The following CSPP1 variants were observed in gnomAD, a reference collection of about 807,000 sequenced individuals.
The protein encoded by CSPP1 is centrosome and spindle pole associated protein 1.
A neutral mutation model predicts 164.4 loss-of-function variants in CSPP1; 126 were observed. That is an observed-to-expected ratio of 0.77 (90% confidence interval 0.66 to 0.89). CSPP1 has a LOEUF of 0.89. Ranked by LOEUF, CSPP1 falls within the 40% of genes least tolerant of loss-of-function variation. The pLI, the probability that CSPP1 is intolerant of heterozygous loss-of-function variation, is 0.00. For missense variants in CSPP1, 1,395 were observed against 1,449.8 expected, an observed-to-expected ratio of 0.96 and a Z score of 0.61; for synonymous variants, 472 against 476.7, an observed-to-expected ratio of 0.99 and a Z score of 0.13.
Position 67,193,764 on chromosome 8 carries a change from C to T in CSPP1, c.3469+162C>T, listed in dbSNP as rs7820650. On this transcript the variant is annotated intron_variant, in intron 30 of 30. Transcript: ENST00000678616. ...GTAACTATTGAGCAAAACCAGACCTCAGGATGCAGTTTGCATCAGATTTTC... is the reference window on the plus strand; with the variant it reads ...GTAACTATTGAGCAAAACCAGACCTTAGGATGCAGTTTGCATCAGATTTTC... Among the ~76,000 whole-genome samples, 2,352 of 152,286 alleles carry T rather than the reference C, an allele frequency of 0.015. 54 individuals are homozygous for T. Among genetic ancestry groups the T allele is most frequent in the African/African-American group, 0.052 (2,169 of 41,550 alleles).
At chr8:67,100,469 C>T (rs1223122114) in intron 7 of CSPP1, among the ~76,000 whole-genome samples, 1 of 152,064 alleles carries the variant, frequency 6.6e-6, no homozygotes, top group Non-Finnish European at 1.5e-5. Flanking sequence ...ATTAAGGAAG[C>T]CACAAGCCCT....
At chr8:67,175,692 A>T (rs979420105) in intron 26 of CSPP1, 1 of 591,624 alleles carries the variant, frequency 1.7e-6, no homozygotes, top group African/African-American at 1.8e-5. Flanking sequence ...GAATACTTTG[A>T]CCAGGCCAGG....
chr8:67,076,415 G>C, intron 2 of CSPP1, 67 bp from the exon 3 acceptor site: 1 of 790,386 alleles, frequency 1.3e-6, no homozygotes, highest in Non-Finnish European at 2.0e-6. Flanking sequence ...ATTAAAATTT[G>C]AGATGAGTTG....
intron 19 of CSPP1, among the ~76,000 whole-genome samples, chr8:67,156,127 C>A (rs1448140904): frequency 1.3e-5 from 2 of 152,180 alleles, no homozygotes; most frequent in East Asian, 3.8e-4. Flanking sequence ...AACAATCTTA[C>A]AATTGTATAG....
At chr8:67,166,726 G>A (rs767675783) in intron 24 of CSPP1, among the ~76,000 whole-genome samples, 5 of 151,034 alleles carry the variant, frequency 3.3e-5, no homozygotes, top group East Asian at 1.9e-4. Flanking sequence ...TCAGTTTAAC[G>A]GTTTTTTTTT....
intron 1 of CSPP1, chr8:67,064,767 G>T: frequency 2.3e-6 from 1 of 438,640 alleles, no homozygotes; most frequent in Non-Finnish European, 4.1e-6. Context: ...CGAGTTAAGG[G>T]TGTGGAGAGT....
At chr8:67,123,514 C>T (rs1443106804) in intron 15 of CSPP1, among the ~76,000 whole-genome samples, 1 of 151,812 alleles carries the variant, frequency 6.6e-6, no homozygotes, top group East Asian at 1.9e-4. Context: ...GCAGTTACTT[C>T]CTGGTTTTTA....
intron 19 of CSPP1, among the ~76,000 whole-genome samples, chr8:67,156,118 AC>A (rs1235849973): frequency 5.9e-5 from 9 of 152,328 alleles, no homozygotes. Flanking sequence ...CAGCCAAAAA[AC>A]AATCTTACAA....
chr8:67,165,015 T>G (rs555972944), intron 24 of CSPP1, among the ~76,000 whole-genome samples: 24 of 152,174 alleles, frequency 1.6e-4, no homozygotes, highest in Non-Finnish European at 3.2e-4. Context: ...TGGGTGCAGT[T>G]GCTCACGCCT....
intron 19 of CSPP1, 25 bp downstream of exon 19, chr8:67,154,161 A>C (rs1222080392): frequency 5.4e-6 from 6 of 1,104,664 alleles, no homozygotes; most frequent in Middle Eastern, 4.0e-4. Context: ...GATCAGTTTC[A>C]AAGTTTCATG....
chr8:67,191,098 C>G (rs1476339722), intron 29 of CSPP1, among the ~76,000 whole-genome samples: 1 of 152,202 alleles, frequency 6.6e-6, no homozygotes, highest in East Asian at 1.9e-4. Flanking sequence ...TAACCTAATT[C>G]TGTGATATAG....
chr8:67,109,688 C>T (rs1041290728), intron 9 of CSPP1, among the ~76,000 whole-genome samples: 1 of 152,064 alleles, frequency 6.6e-6, no homozygotes, highest in African/African-American at 2.4e-5. Context: ...AGCAGTTTCT[C>T]ATTGTCCGAA....
intron 1 of CSPP1, among the ~76,000 whole-genome samples, chr8:67,069,679 G>A (rs1405792272): frequency 1.5e-5 from 2 of 133,490 alleles, no homozygotes; most frequent in Admixed American, 8.2e-5. Flanking sequence ...TTTTTTTTGA[G>A]ATGGAGTCTC....
rs1451810433 is a variant in CSPP1, at chr8:67,086,013, A to G, written c.206A>G (p.Asp69Gly). The change falls in exon 4 of 31, where the codon GAT becomes GGT. Residue 69 changes from aspartate to glycine, a missense_variant. Transcript: ENST00000678616. ...SQQTRGSLGI[D>G]YGLSLPLGED... ...GAAGTTGTTTTTTTTCTAGGAATTG[A>G]TTATGGATTAAGTTTACCACTTGGA... The G allele has an allele frequency of 2.2e-6, 3 of 1,335,778 alleles. No homozygotes were observed. Among genetic ancestry groups the G allele is most frequent in the Admixed American group, 1.7e-5 (1 of 59,008 alleles). 82.7% of individuals were successfully genotyped at this position (1,335,778 alleles called of 1,614,324 possible). A position where few individuals can be genotyped will look rare whatever the true frequency, so the allele number is the denominator to read the frequency against.
chr8:67,169,562 C>T (rs1483548508), intron 24 of CSPP1, among the ~76,000 whole-genome samples: 1 of 152,136 alleles, frequency 6.6e-6, no homozygotes, highest in Non-Finnish European at 1.5e-5. Flanking sequence ...GCCTCAGCCT[C>T]CTGAGTAGCT....
intron 22 of CSPP1, among the ~76,000 whole-genome samples, chr8:67,162,849 GT>G (rs34831682): frequency 2.0e-5 from 3 of 152,166 alleles, no homozygotes; most frequent in Non-Finnish European, 2.9e-5. Context: ...TAACTTTCAA[GT>G]TTTTGGTGAG....
chr8:67,107,795 T>C (rs1815892711), intron 9 of CSPP1, among the ~76,000 whole-genome samples: 1 of 152,208 alleles, frequency 6.6e-6, no homozygotes, highest in Non-Finnish European at 1.5e-5. Flanking sequence ...TAGAGCTAAA[T>C]AGGAAATGTA....
intron 30 of CSPP1, among the ~76,000 whole-genome samples, chr8:67,194,990 GA>G (rs1178669977): frequency 1.3e-5 from 2 of 151,974 alleles, no homozygotes; most frequent in East Asian, 3.9e-4. Flanking sequence ...AAAATAAAAA[GA>G]AAAAAGAAAG....
At chr8:67,162,021 A>G (rs1828455246) in intron 22 of CSPP1, 106 bp downstream of exon 22, 1 of 733,868 alleles carries the variant, frequency 1.4e-6, no homozygotes, top group African/African-American at 1.8e-5. Flanking sequence ...AAATTTTTTC[A>G]GATCTGAAAT....
Sources: gnomAD v4.1 joint callset for allele counts (sites outside exome capture counted in the v4.1 genomes callset) on GRCh38, gnomAD v4.1.1 for gene constraint, MANE v1.5 for transcripts, NCBI Gene and HGNC (gene_info 2026-07-23, HGNC 2026-07-21) for gene names.